EYS: variants seen among roughly 807,000 people sequenced by gnomAD.
EYS encodes the protein protein eyes shut homolog.
In EYS, 250 loss-of-function variants were observed where a neutral mutation model predicts 282.1. That is an observed-to-expected ratio of 0.89 (90% CI 0.80 to 0.98). EYS has a LOEUF of 0.98. Among genes scored for constraint, EYS ranks in the 50% least tolerant of loss-of-function variants. The pLI is 0.00. For missense variants in EYS, 4,016 were observed against 3,709.0 expected, an observed-to-expected ratio of 1.08 and a Z score of -2.15; for synonymous variants, 1,355 against 1,282.9, an observed-to-expected ratio of 1.06 and a Z score of -1.20.
At chr6:65,352,381 G>T (rs1180467170) in intron 9 of EYS, among the ~76,000 whole-genome samples, 1 of 151,810 alleles carries the variant, frequency 6.6e-6, no homozygotes, top group Admixed American at 6.6e-5. Context: ...TTCTTTAAAA[G>T]AATGAAAATA....
At chr6:65,304,723 C>T (rs1382261480) in intron 11 of EYS, 3 of 48,358 alleles carry the variant, frequency 6.2e-5, no homozygotes, top group South Asian at 4.5e-4. Flanking sequence ...TAACCCAGTC[C>T]TCTTCAGATT....
chr6:65,187,743 A>T (rs1765547215), intron 12 of EYS, among the ~76,000 whole-genome samples: 1 of 151,746 alleles, frequency 6.6e-6, no homozygotes, highest in African/African-American at 2.4e-5. Flanking sequence ...ATGTCTATTG[A>T]GAAAGCGTTT....
chr6:64,218,068 T>G lies in EYS; in HGVS notation c.6424+12524A>C, dbSNP rs1018297968. The stretch of plus-strand genomic sequence containing the variant: ...TGAGAACTGCAGAAATCTCAGCACA[T>G]AATGACTCTATCTAAGCCTCTGCAT... On this transcript the variant is annotated intron_variant, in intron 31 of 42. Transcript: ENST00000503581. 4.6e-5 allele frequency among the ~76,000 whole-genome samples: 7 copies of G among 152,278 alleles called. No homozygotes were observed. In the South Asian group the frequency reaches 6.2e-4, roughly 14 times the overall value.
At chr6:64,668,265 C>A (rs924393948) in intron 22 of EYS, among the ~76,000 whole-genome samples, 2 of 152,040 alleles carry the variant, frequency 1.3e-5, no homozygotes, top group Non-Finnish European at 2.9e-5. Flanking sequence ...ATAAAACAAA[C>A]CTTTTGGAAG....
chr6:64,366,684 A>G (rs1772192133), intron 29 of EYS, among the ~76,000 whole-genome samples: 2 of 152,080 alleles, frequency 1.3e-5, no homozygotes, highest in African/African-American at 2.4e-5. Context: ...TGAGGTTGCT[A>G]TTGAAGGCCA....
chr6:64,649,279 CATACTTGTAACTTTAATA>C (rs1768465432), intron 22 of EYS, among the ~76,000 whole-genome samples: 1 of 141,334 alleles, frequency 7.1e-6, no homozygotes, highest in African/African-American at 2.7e-5. Context: ...TTGTTAAATC[CATACTTGTAACTTTAATA>C]ATATGCTTAC....
chr6:64,842,972 C>T (rs1182780181), intron 19 of EYS, among the ~76,000 whole-genome samples: 1 of 152,102 alleles, frequency 6.6e-6, no homozygotes, highest in South Asian at 2.1e-4. Flanking sequence ...GTCCCCAAGA[C>T]AATGGGGAAA....
At chr6:63,782,049 C>T (rs1418455178) in intron 39 of EYS, among the ~76,000 whole-genome samples, 1 of 152,100 alleles carries the variant, frequency 6.6e-6, no homozygotes, top group Non-Finnish European at 1.5e-5. Context: ...TGATGGATTA[C>T]ATTTATTGAT....
intron 16 of EYS, among the ~76,000 whole-genome samples, chr6:64,911,309 T>C (rs1767983948): frequency 6.6e-6 from 1 of 152,126 alleles, no homozygotes; most frequent in Admixed American, 6.6e-5. Flanking sequence ...TATTCTCTCA[T>C]ATGCTCTATA....
chr6:65,010,618 G>A, intron 13 of EYS, among the ~76,000 whole-genome samples: 1 of 152,188 alleles, frequency 6.6e-6, no homozygotes, highest in East Asian at 1.9e-4. Flanking sequence ...GAAAAGCGAG[G>A]TATGCAGTGG....
In EYS at chr6:64,637,439, G is replaced by A. The variant is rs552470785; in HGVS notation, c.3444-11194C>T. 7.1e-5 allele frequency among the ~76,000 whole-genome samples: 5 copies of A among 70,484 alleles called. 1 individual carries two copies. In the South Asian group the frequency reaches 3.5e-3, roughly 50 times the overall value. 46.2% of individuals were successfully genotyped at this position (70,484 alleles called of 152,430 possible). A position where few individuals can be genotyped will look rare whatever the true frequency, so the allele number is the denominator to read the frequency against. Reference sequence around the variant, plus strand: ...AGGGGAACATCACACTCTGGGGACTGTTGTGGGGTGTGGGGAGGGGGGAGG... The same window carrying A: ...AGGGGAACATCACACTCTGGGGACTATTGTGGGGTGTGGGGAGGGGGGAGG... On this transcript the variant is annotated intron_variant, in intron 22 of 42. Transcript: ENST00000503581.
chr6:63,937,885 T>G (rs568815584), intron 35 of EYS, among the ~76,000 whole-genome samples: 1 of 152,346 alleles, frequency 6.6e-6, no homozygotes, highest in Admixed American at 6.5e-5. Flanking sequence ...CTATGGTATT[T>G]TGTTACAGCA....
intron 22 of EYS, among the ~76,000 whole-genome samples, chr6:64,688,058 A>T (rs1413156717): frequency 6.6e-6 from 1 of 151,896 alleles, no homozygotes; most frequent in Non-Finnish European, 1.5e-5. Flanking sequence ...TCTCTGTGGG[A>T]TCGGTGGTGG....
intron 32 of EYS, among the ~76,000 whole-genome samples, chr6:64,073,510 T>C (rs896014424): frequency 6.6e-6 from 1 of 151,732 alleles, no homozygotes; most frequent in African/African-American, 2.4e-5. Context: ...TTAAAGACAA[T>C]TTTCAAACAC....
At chr6:64,814,902 G>T (rs921567081) in intron 21 of EYS, among the ~76,000 whole-genome samples, 1 of 151,768 alleles carries the variant, frequency 6.6e-6, no homozygotes. Flanking sequence ...TAGAATTATT[G>T]TTCATTAATT....
intron 2 of EYS, among the ~76,000 whole-genome samples, chr6:65,593,024 A>G (rs971997832): frequency 4.6e-5 from 7 of 152,004 alleles, no homozygotes; most frequent in African/African-American, 1.4e-4. Flanking sequence ...TAATATGTAA[A>G]TAAATCACTA....
intron 12 of EYS, among the ~76,000 whole-genome samples, chr6:65,294,636 ATGTAT>A (rs1267101505): frequency 6.6e-6 from 1 of 151,930 alleles, no homozygotes; most frequent in Non-Finnish European, 1.5e-5. Flanking sequence ...AAATACACAT[ATGTAT>A]TTAGCCATGC....
chr6:65,031,266 C>T (rs1177457260), intron 13 of EYS, among the ~76,000 whole-genome samples: 2 of 151,332 alleles, frequency 1.3e-5, no homozygotes, highest in African/African-American at 4.9e-5. Flanking sequence ...GACTTTATAA[C>T]CACACAAAAA....
At chr6:64,984,952 A>G (rs773913265) in intron 14 of EYS, among the ~76,000 whole-genome samples, 3 of 151,522 alleles carry the variant, frequency 2.0e-5, no homozygotes, top group Non-Finnish European at 4.4e-5. Flanking sequence ...TTTAACATTC[A>G]GACAATCTAA....
Sources: gnomAD v4.1 joint callset for allele counts (sites outside exome capture counted in the v4.1 genomes callset) on GRCh38, gnomAD v4.1.1 for gene constraint, MANE v1.5 for transcripts, NCBI Gene and HGNC (gene_info 2026-07-23, HGNC 2026-07-21) for gene names.